Variants in RLN2 observed in about 807,000 individuals in gnomAD.
The protein encoded by RLN2 is prorelaxin H2.
RLN2 carries 10 observed loss-of-function variants against 7.3 expected under a neutral mutation model. That is an observed-to-expected ratio of 1.36 (90% confidence interval 0.84 to 2.31). RLN2 has a LOEUF of 2.31. Ranked by LOEUF, RLN2 falls within the 30% of genes most tolerant of loss-of-function variation. The pLI, the probability that RLN2 is intolerant of heterozygous loss-of-function variation, is 0.00. For synonymous variants in RLN2, 103 were observed against 82.3 expected (o/e 1.25, Z -1.36); for missense variants, 298 against 217.6 (o/e 1.37, Z -2.32).
chr9:5,299,915 C>A lies in RLN2; in HGVS notation c.*183G>T. ...ATCACACAAAGAACATTTTCTTACACATCAAATAAAAAAATCTAAACATCA... is the reference window on the plus strand; with the variant it reads ...ATCACACAAAGAACATTTTCTTACAAATCAAATAAAAAAATCTAAACATCA... On this transcript the variant is annotated 3_prime_UTR_variant, in exon 2 of 2. Transcript: ENST00000381627. 1 of 436,222 alleles carries A rather than the reference C, an allele frequency of 2.3e-6. No individual in the cohort carries two copies. The highest frequency in any genetic ancestry group is 6.4e-5 in the South Asian group (1 of 15,574). 27.0% of individuals were successfully genotyped at this position (436,222 alleles called of 1,614,324 possible). A position where few individuals can be genotyped will look rare whatever the true frequency, so the allele number is the denominator to read the frequency against.
the RLN2 span, chr9:5,335,219 A>T: frequency 7.2e-7 from 1 of 1,395,344 alleles, no homozygotes; most frequent in Non-Finnish European, 9.8e-7. Context: ...TATGTGTGAA[A>T]ATTAGACAAG....
chr9:5,320,829 C>T, the RLN2 span, among the ~76,000 whole-genome samples: 1,282 of 152,158 alleles, frequency 8.4e-3, 28 homozygotes, highest in African/African-American at 0.028. Flanking sequence ...TGTCTTCTAG[C>T]TACTCTGTGC....
the RLN2 span, among the ~76,000 whole-genome samples, chr9:5,330,213 G>A: frequency 6.6e-6 from 1 of 152,032 alleles, no homozygotes; most frequent in African/African-American, 2.4e-5. Flanking sequence ...TGAAACCAAT[G>A]AGAACAAAGA....
At chr9:5,301,222 G>A (rs1166154298) in intron 1 of RLN2, among the ~76,000 whole-genome samples, 1 of 152,208 alleles carries the variant, frequency 6.6e-6, no homozygotes, top group East Asian at 1.9e-4. Flanking sequence ...AGATCTGTGT[G>A]TCTCCTAGGA....
chr9:5,319,523 T>TA, the RLN2 span, among the ~76,000 whole-genome samples: 1 of 151,930 alleles, frequency 6.6e-6, no homozygotes, highest in Admixed American at 6.6e-5. Flanking sequence ...CATCCTCCAG[T>TA]GGTAGTTAAA....
the RLN2 span, among the ~76,000 whole-genome samples, chr9:5,327,396 T>C: frequency 3.3e-5 from 5 of 151,930 alleles, no homozygotes; most frequent in African/African-American, 9.7e-5. Flanking sequence ...ACAAAGAGGC[T>C]AGGAAGCACA....
the RLN2 span, among the ~76,000 whole-genome samples, chr9:5,321,813 C>T: frequency 1.3e-5 from 2 of 152,024 alleles, no homozygotes; most frequent in Non-Finnish European, 1.5e-5. Flanking sequence ...GGTCACTGAA[C>T]TTACAGAGCA....
upstream of RLN2, chr9:5,304,844 C>A (rs548373518): frequency 2.2e-4 from 115 of 522,884 alleles, 2 homozygotes; most frequent in South Asian, 2.5e-3. Context: ...TTTGCCCATC[C>A]CTCTGTCCTT....
chr9:5,332,148 T>C, the RLN2 span, among the ~76,000 whole-genome samples: 2 of 152,036 alleles, frequency 1.3e-5, no homozygotes, highest in African/African-American at 4.8e-5. Flanking sequence ...GAAATGAAAT[T>C]ATTTCCCAAT....
the RLN2 span, among the ~76,000 whole-genome samples, chr9:5,327,250 C>T: frequency 6.6e-6 from 1 of 152,124 alleles, no homozygotes; most frequent in Admixed American, 6.5e-5. Context: ...CCCTCCTTTG[C>T]CTGGCTAGGC....
the RLN2 span, among the ~76,000 whole-genome samples, chr9:5,328,203 A>C: frequency 6.6e-6 from 1 of 152,078 alleles, no homozygotes; most frequent in South Asian, 2.1e-4. Context: ...TAAACAGTGT[A>C]GAGAAGATCT....
the RLN2 span, among the ~76,000 whole-genome samples, chr9:5,329,684 G>A: frequency 4.7e-3 from 706 of 151,780 alleles, 7 homozygotes; most frequent in African/African-American, 0.016. Flanking sequence ...TAATGGTAAA[G>A]GGATCAATTC....
chr9:5,302,700 C>A (rs1244097042), intron 1 of RLN2, among the ~76,000 whole-genome samples: 1 of 152,106 alleles, frequency 6.6e-6, no homozygotes, highest in African/African-American at 2.4e-5. Flanking sequence ...GTATTTTCAG[C>A]AACAATTTAG....
At chr9:5,330,536 G>A in the RLN2 span, among the ~76,000 whole-genome samples, 64 of 150,816 alleles carry the variant, frequency 4.2e-4, no homozygotes, top group African/African-American at 1.5e-3. Flanking sequence ...TACTCTGGAG[G>A]CTGAGGCAGG....
chr9:5,301,834 T>TAA (rs1317586153), intron 1 of RLN2, among the ~76,000 whole-genome samples: 93 of 151,148 alleles, frequency 6.2e-4, no homozygotes, highest in African/African-American at 2.1e-3. Context: ...GACAGAGGAA[T>TAA]AAAAAAAAAC....
the RLN2 span, among the ~76,000 whole-genome samples, chr9:5,325,958 C>G: frequency 6.6e-6 from 1 of 151,902 alleles, no homozygotes; most frequent in Non-Finnish European, 1.5e-5. Flanking sequence ...GTTCTTTTCT[C>G]TTTAGTCAAC....
chr9:5,309,449 C>T (rs969781241), upstream of RLN2, among the ~76,000 whole-genome samples: 1 of 151,964 alleles, frequency 6.6e-6, no homozygotes, highest in Admixed American at 6.6e-5. Context: ...GAGCATTTTC[C>T]TTTCCCTCTT....
the RLN2 span, among the ~76,000 whole-genome samples, chr9:5,327,726 TA>T: frequency 1.3e-5 from 2 of 151,946 alleles, no homozygotes; most frequent in Non-Finnish European, 2.9e-5. Flanking sequence ...CAGGCAGTAA[TA>T]TTTGCTGTTC....
the RLN2 span, among the ~76,000 whole-genome samples, chr9:5,326,500 A>G: frequency 6.6e-6 from 1 of 152,084 alleles, no homozygotes; most frequent in African/African-American, 2.4e-5. Flanking sequence ...TCTCCATCAG[A>G]AGCCAGAGTG....
Sources: gnomAD v4.1 joint callset for allele counts (sites outside exome capture counted in the v4.1 genomes callset) on GRCh38, gnomAD v4.1.1 for gene constraint, MANE v1.5 for transcripts, NCBI Gene and HGNC (gene_info 2026-07-23, HGNC 2026-07-21) for gene names.